The following ITPR1 variants were observed in gnomAD, a reference collection of about 807,000 sequenced individuals.
ITPR1 encodes inositol 1,4,5-trisphosphate receptor type 1, also known as inositol 1,4,5-trisphosphate-gated calcium channel ITPR1.
ITPR1 carries 96 observed loss-of-function variants against 318.4 expected under a neutral mutation model. The observed-to-expected ratio is 0.30, with a 90% CI of 0.26 to 0.36. ITPR1 has a LOEUF of 0.36. ITPR1 is among the 10% of genes least tolerant of loss of function. The pLI is 1.00. For synonymous variants in ITPR1, 1,312 were observed against 1,289.9 expected (o/e 1.02, Z -0.37); for missense variants, 2,440 against 3,460.2 (o/e 0.71, Z 7.40).
chr3:4,625,078 C>A (rs903595297), intron 4 of ITPR1, among the ~76,000 whole-genome samples: 25 of 152,250 alleles, frequency 1.6e-4, no homozygotes, highest in African/African-American at 5.8e-4. Flanking sequence ...AGAAATTATT[C>A]AGTAGATGGA....
intron 4 of ITPR1, among the ~76,000 whole-genome samples, chr3:4,534,671 G>A (rs2083699895): frequency 6.6e-6 from 1 of 152,160 alleles, no homozygotes; most frequent in African/African-American, 2.4e-5. Flanking sequence ...GGGTACATTT[G>A]AGTTCCAATT....
intron 4 of ITPR1, among the ~76,000 whole-genome samples, chr3:4,620,706 T>C (rs2092596724): frequency 6.9e-6 from 1 of 145,262 alleles, no homozygotes; most frequent in African/African-American, 2.6e-5. Context: ...TTTTTGGTGG[T>C]AGTGAACAGT....
chr3:4,756,966 T>C (rs1371373534), intron 44 of ITPR1, among the ~76,000 whole-genome samples: 1 of 152,258 alleles, frequency 6.6e-6, no homozygotes. Flanking sequence ...ACCTACTGTT[T>C]CATAACAACC....
intron 40 of ITPR1, among the ~76,000 whole-genome samples, chr3:4,717,854 T>C: frequency 6.6e-6 from 1 of 152,154 alleles, no homozygotes; most frequent in Admixed American, 6.5e-5. Flanking sequence ...TATTGAAAAG[T>C]ATTGAGTGTG....
In ITPR1 at chr3:4,661,015, A is replaced by G. The variant is rs1368608667; in HGVS notation, c.1179A>G (p.Leu393=). The G allele has an allele frequency of 1.2e-6, 2 of 1,606,878 alleles. No homozygotes were observed. Among genetic ancestry groups the G allele is most frequent in the Non-Finnish European group, 1.7e-6 (2 of 1,173,976 alleles). Residue 393 remains leucine (L), a synonymous_variant, in exon 14 of 62, where the codon CTA becomes CTG. Transcript: ENST00000649015. ...ACTCTTATGTTCGGCTCAGACACCT[A>G]TGTACTAATACCTGGGTTCACAGCA... ...PRNSYVRLRH[L]CTNTWVHSTN... is the part of the protein sequence containing the mutation.
intron 4 of ITPR1, among the ~76,000 whole-genome samples, chr3:4,601,499 CAAAAAA>C (rs33950775): frequency 7.6e-6 from 1 of 131,598 alleles, no homozygotes; most frequent in Admixed American, 7.5e-5. Context: ...GACCCTGTCT[CAAAAAA>C]AAAAAAAAAA....
chr3:4,541,717 C>T (rs992502946), intron 4 of ITPR1, among the ~76,000 whole-genome samples: 4 of 152,022 alleles, frequency 2.6e-5, no homozygotes, highest in African/African-American at 7.3e-5. Context: ...CCTCCGCCTC[C>T]CAGGTTCAAG....
chr3:4,523,810 C>T (rs748130113), intron 4 of ITPR1, among the ~76,000 whole-genome samples: 4 of 152,058 alleles, frequency 2.6e-5, no homozygotes, highest in South Asian at 4.2e-4. Flanking sequence ...CAGGGGAAGT[C>T]GGAGGAGACA....
intron 4 of ITPR1, among the ~76,000 whole-genome samples, chr3:4,539,962 C>T (rs1194988702): frequency 8.3e-6 from 1 of 120,382 alleles, no homozygotes; most frequent in African/African-American, 3.4e-5. Context: ...CTGTTATAAG[C>T]AATGGAAAGC....
chr3:4,548,952 C>T (rs1009729279), intron 4 of ITPR1, among the ~76,000 whole-genome samples: 2 of 152,046 alleles, frequency 1.3e-5, no homozygotes, highest in Non-Finnish European at 2.9e-5. Flanking sequence ...AATGGAAGGC[C>T]GATGTGTGTT....
intron 2 of ITPR1, among the ~76,000 whole-genome samples, chr3:4,499,159 A>C (rs544095896): frequency 2.6e-5 from 4 of 152,344 alleles, no homozygotes; most frequent in African/African-American, 9.6e-5. Flanking sequence ...CTGTTAAAAA[A>C]ATTTTTTTAA....
intron 4 of ITPR1, among the ~76,000 whole-genome samples, chr3:4,522,797 T>C (rs1224683701): frequency 6.6e-6 from 1 of 152,222 alleles, no homozygotes; most frequent in Non-Finnish European, 1.5e-5. Context: ...CTGCCTGCAT[T>C]AGCTCAGGGA....
intron 4 of ITPR1, among the ~76,000 whole-genome samples, chr3:4,585,577 C>T (rs2089808654): frequency 1.3e-5 from 2 of 152,038 alleles, no homozygotes; most frequent in Non-Finnish European, 2.9e-5. Context: ...GCTAGGATTA[C>T]AGGTGTGCAC....
At chr3:4,604,299 G>A (rs755885430) in intron 4 of ITPR1, among the ~76,000 whole-genome samples, 2 of 152,140 alleles carry the variant, frequency 1.3e-5, no homozygotes, top group South Asian at 2.1e-4. Flanking sequence ...GTGGGCTTTC[G>A]TGGAGTTGTG....
chr3:4,543,411 T>C (rs550401751), intron 4 of ITPR1, among the ~76,000 whole-genome samples: 2 of 152,136 alleles, frequency 1.3e-5, no homozygotes, highest in Non-Finnish European at 2.9e-5. Flanking sequence ...AAGAAAACCA[T>C]TTAGGCTAGA....
At chr3:4,652,934 C>G (rs947781991) in intron 11 of ITPR1, among the ~76,000 whole-genome samples, 1 of 151,984 alleles carries the variant, frequency 6.6e-6, no homozygotes, top group Non-Finnish European at 1.5e-5. Context: ...GTTGCAGTGA[C>G]CCGAGATCGC....
chr3:4,766,597 G>A lies in ITPR1; in HGVS notation c.5612G>A (p.Arg1871Gln), dbSNP rs1168178676. 1.2e-5 allele frequency: 19 copies of A among 1,613,582 alleles called. No individual in the cohort carries two copies. The highest frequency in any genetic ancestry group is 2.7e-5 in the African/African-American group (2 of 74,896). Residue 1871 changes from arginine (R) to glutamine (Q), a missense_variant, in exon 45 of 62, where the codon CGG becomes CAG. Arg to Gln is a conservative substitution (Grantham distance 43). Coordinates refer to ENST00000649015, the MANE Select transcript of ITPR1 (RefSeq NM_001378452.1). ...AAATTCTTTAAGGTGTTTTATGACCGGATGAAGGTGGCCCAGCAAGAAATC... is the reference window on the plus strand; with the variant it reads ...AAATTCTTTAAGGTGTTTTATGACCAGATGAAGGTGGCCCAGCAAGAAATC... Reference protein sequence around the residue: ...SEKFFKVFYDRMKVAQQEIKA... With the variant: ...SEKFFKVFYDQMKVAQQEIKA...
intron 5 of ITPR1, among the ~76,000 whole-genome samples, chr3:4,635,713 C>T (rs528237459): frequency 4.6e-5 from 7 of 152,108 alleles, no homozygotes; most frequent in Non-Finnish European, 8.8e-5. Flanking sequence ...ATTTAACCAA[C>T]CAGATCTCAT....
intron 46 of ITPR1, among the ~76,000 whole-genome samples, chr3:4,774,431 AT>A (rs537687562): frequency 6.6e-6 from 1 of 152,038 alleles, no homozygotes; most frequent in Non-Finnish European, 1.5e-5. Flanking sequence ...CCTATTGCCC[AT>A]TTTTTTTACA....
Sources: gnomAD v4.1 joint callset for allele counts (sites outside exome capture counted in the v4.1 genomes callset) on GRCh38, gnomAD v4.1.1 for gene constraint, MANE v1.5 for transcripts, NCBI Gene and HGNC (gene_info 2026-07-23, HGNC 2026-07-21) for gene names.